TRMT1L: variants seen among roughly 807,000 people sequenced by gnomAD.
The protein encoded by TRMT1L is tRNA methyltransferase 1L.
Under a neutral mutation model 81.6 loss-of-function variants are expected in TRMT1L, and 28 were observed. The ratio of observed to expected loss-of-function variants is 0.34; its 90% CI spans 0.25 to 0.47. TRMT1L has a LOEUF of 0.47. Among genes scored for constraint, TRMT1L ranks in the 20% least tolerant of loss-of-function variants. TRMT1L has a pLI of 1.00. For synonymous variants in TRMT1L, 301 were observed against 303.2 expected (o/e 0.99, Z 0.07); for missense variants, 739 against 877.1 (o/e 0.84, Z 1.99).
chr1:185,145,665 G>T, intron 4 of TRMT1L, 97 bp from the exon 5 acceptor site: 5 of 1,156,644 alleles, frequency 4.3e-6, no homozygotes, highest in East Asian at 2.5e-5. Context: ...TGGATTTAAT[G>T]GTATAGAAGA....
chr1:185,148,536 C>T (rs765096090), intron 3 of TRMT1L, among the ~76,000 whole-genome samples: 1 of 152,250 alleles, frequency 6.6e-6, no homozygotes, highest in South Asian at 2.1e-4. Context: ...CACCATCTAC[C>T]AGAGCAATAC....
chr1:185,140,054 T>C lies in TRMT1L; in HGVS notation c.1028A>G (p.Glu343Gly), dbSNP rs1281007649. Residue 343 changes from glutamate (E) to glycine (G), a missense_variant, in exon 8 of 15, where the codon GAA becomes GGA. Glu to Gly is a moderately conservative substitution (Grantham distance 98, BLOSUM62 -2). Transcript: ENST00000367506. ...EKEKSDDILE[E>G]GEKNLGNIKV... Reference sequence around the variant, plus strand: ...AATATTACCAAGATTTTTCTCTCCTTCTTCAAGAATATCATCACTCTTTTC... The same window carrying C: ...AATATTACCAAGATTTTTCTCTCCTCCTTCAAGAATATCATCACTCTTTTC... 1 of 1,613,638 alleles carries C rather than the reference T, an allele frequency of 6.2e-7. No homozygotes were observed. The highest frequency in any genetic ancestry group is 8.5e-7 in the Non-Finnish European group (1 of 1,179,838).
intron 1 of TRMT1L, 117 bp downstream of exon 1, chr1:185,156,346 CTTTCCTCCCCACCAT>C: frequency 6.3e-7 from 1 of 1,599,742 alleles, no homozygotes; most frequent in Non-Finnish European, 8.5e-7. Context: ...ACGGGCCCCT[CTTTCCTCCCCACCAT>C]TTTCCTAAAC....
At chr1:185,132,205 A>G (rs2102237380) in intron 10 of TRMT1L, among the ~76,000 whole-genome samples, 1 of 152,076 alleles carries the variant, frequency 6.6e-6, no homozygotes, top group East Asian at 1.9e-4. Context: ...AGAGCTGAAG[A>G]GCTCAAGTTT....
rs1652996134 is a variant in TRMT1L at position 185,140,058 on chromosome 1, C to T, written c.1024G>A (p.Glu342Lys). 1.2e-6 allele frequency: 2 copies of T among 1,613,626 alleles called. No individual in the cohort carries two copies. Among genetic ancestry groups the T allele is most frequent in the South Asian group, 2.2e-5 (2 of 91,072 alleles). ...KEKEKSDDILEEGEKNLGNIK... is the reference protein window; with the variant it reads ...KEKEKSDDILKEGEKNLGNIK... ...TTACCAAGATTTTTCTCTCCTTCTTCAAGAATATCATCACTCTTTTCCTTT... is the reference window on the plus strand; with the variant it reads ...TTACCAAGATTTTTCTCTCCTTCTTTAAGAATATCATCACTCTTTTCCTTT... Residue 342 changes from glutamate (E) to lysine (K), a missense_variant, in exon 8 of 15, where the codon GAA becomes AAA. Around this residue, in one of 4 missense-constraint regions of TRMT1L, gnomAD observed 331 missense variants for 462.2 expected, o/e 0.72. Coordinates refer to ENST00000367506, the MANE Select transcript of TRMT1L (RefSeq NM_030934.5).
chr1:185,144,153 TTTATA>T lies in TRMT1L; in HGVS notation c.656-129_656-125del, dbSNP rs1292217131. 4 of 1,054,382 alleles carry T rather than the reference TTTATA, an allele frequency of 3.8e-6. No homozygotes were observed. The Admixed American group carries it at 1.3e-4, about 35-fold the overall frequency. 65.3% of individuals were successfully genotyped at this position (1,054,382 alleles called of 1,614,324 possible). A position where few individuals can be genotyped will look rare whatever the true frequency, so the allele number is the denominator to read the frequency against. ...ATAAATATACATTTTGAAAAATAAC[TTTATA>T]TTATTTTGTGTTAATGCAAACGGTT... On this transcript the variant is annotated intron_variant, in intron 5 of 14. Transcript: ENST00000367506.
chr1:185,150,504 A>G lies in TRMT1L; in HGVS notation c.347-12T>C. ...AGCCTGTCTGTTGCCTTAAAAAGAA[A>G]AAAGAATCAATAAACAACAGAATAT... On this transcript the variant is annotated splice_polypyrimidine_tract_variant and intron_variant, in intron 2 of 14. Coordinates refer to ENST00000367506, the MANE Select transcript of TRMT1L (RefSeq NM_030934.5). 1.3e-6 allele frequency: 2 copies of G among 1,574,800 alleles called. No homozygotes were observed. The highest frequency in any genetic ancestry group is 1.7e-6 in the Non-Finnish European group (2 of 1,145,666).
chr1:185,122,799 C>T (rs891632415), intron 13 of TRMT1L, among the ~76,000 whole-genome samples: 1 of 151,560 alleles, frequency 6.6e-6, no homozygotes, highest in Admixed American at 6.6e-5. Flanking sequence ...ATTCTCCCAC[C>T]TCAGCCTCTC....
chr1:185,145,888 C>T (rs1420438899), intron 4 of TRMT1L, among the ~76,000 whole-genome samples: 1 of 151,796 alleles, frequency 6.6e-6, no homozygotes, highest in Non-Finnish European at 1.5e-5. Context: ...TATTAACTGG[C>T]TCTCCAGGAA....
rs182798350 is a variant in TRMT1L, at chr1:185,142,380, G to A, written c.859+977C>T. ...AGTTTAGGAAGGAGAGCTAACTCAT[G>A]CTTTCACTCCTTTGGCACAAACTCC... On this transcript the variant is annotated intron_variant, in intron 7 of 14. Transcript: ENST00000367506. Among the ~76,000 whole-genome samples the A allele has an allele frequency of 2.6e-5, 4 of 152,278 alleles. No homozygotes were observed. In the East Asian group the frequency reaches 7.7e-4, roughly 29 times the overall value.
At chr1:185,149,685 T>C (rs1426187053) in intron 3 of TRMT1L, among the ~76,000 whole-genome samples, 1 of 151,910 alleles carries the variant, frequency 6.6e-6, no homozygotes, top group African/African-American at 2.4e-5. Flanking sequence ...TTAAAAGATG[T>C]TGTCAGATGT....
At chr1:185,154,345 C>G (rs1458979076) in intron 1 of TRMT1L, among the ~76,000 whole-genome samples, 1 of 152,168 alleles carries the variant, frequency 6.6e-6, no homozygotes, top group Non-Finnish European at 1.5e-5. Flanking sequence ...AGGCTGGTGC[C>G]TGGTTATTCA....
intron 10 of TRMT1L, among the ~76,000 whole-genome samples, chr1:185,134,861 G>C (rs566113992): frequency 6.6e-6 from 1 of 152,166 alleles, no homozygotes; most frequent in Non-Finnish European, 1.5e-5. Flanking sequence ...GAGATGACTA[G>C]AGAAATTATG....
intron 3 of TRMT1L, among the ~76,000 whole-genome samples, chr1:185,149,615 A>G (rs1248449915): frequency 6.6e-6 from 1 of 151,676 alleles, no homozygotes; most frequent in Non-Finnish European, 1.5e-5. Context: ...CAATTCTTTT[A>G]CTTCTAAGGC....
intron 3 of TRMT1L, 80 bp downstream of exon 3, chr1:185,150,299 C>T (rs1324377831): frequency 7.5e-6 from 7 of 930,032 alleles, no homozygotes. Flanking sequence ...TTTGATTATA[C>T]TCATGATAAA....
At chr1:185,148,902 A>G (rs1055345908) in intron 3 of TRMT1L, among the ~76,000 whole-genome samples, 1 of 152,166 alleles carries the variant, frequency 6.6e-6, no homozygotes, top group African/African-American at 2.4e-5. Flanking sequence ...TCTTTTCTGG[A>G]TGTCTCTTAC....
At chr1:185,135,382 C>T (rs1375318029) in intron 10 of TRMT1L, among the ~76,000 whole-genome samples, 7 of 149,554 alleles carry the variant, frequency 4.7e-5, no homozygotes, top group African/African-American at 1.7e-4. Flanking sequence ...TGCCAGTGCA[C>T]TCCAGCCTGG....
At chr1:185,153,439 A>G (rs1020481665) in intron 1 of TRMT1L, among the ~76,000 whole-genome samples, 2 of 152,188 alleles carry the variant, frequency 1.3e-5, no homozygotes, top group African/African-American at 4.8e-5. Context: ...GGTAATGCAG[A>G]AGCCAAGGGA....
intron 7 of TRMT1L, among the ~76,000 whole-genome samples, chr1:185,140,765 G>A (rs1653015830): frequency 1.3e-5 from 2 of 151,644 alleles, no homozygotes; most frequent in Admixed American, 1.3e-4. Context: ...GATCACTTGA[G>A]CCCAGGAGTT....
Sources: gnomAD v4.1 joint callset for allele counts (sites outside exome capture counted in the v4.1 genomes callset) on GRCh38, gnomAD v4.1.1 for gene constraint, gnomAD v4.1.1 regional missense constraint, MANE v1.5 for transcripts, NCBI Gene and HGNC (gene_info 2026-07-23, HGNC 2026-07-21) for gene names.